KDM4B: variants seen among roughly 807,000 people sequenced by gnomAD.
The protein encoded by KDM4B is lysine-specific demethylase 4B.
In KDM4B, 32 loss-of-function variants were observed where a neutral mutation model predicts 125.2. The ratio of observed to expected loss-of-function variants is 0.26; its 90% CI spans 0.19 to 0.34. KDM4B has a LOEUF of 0.34. Among genes scored for constraint, KDM4B ranks in the 10% least tolerant of loss-of-function variants. The pLI is 1.00. For missense variants in KDM4B, 1,190 were observed against 1,577.7 expected (o/e 0.75, Z 4.16); for synonymous variants, 721 against 677.9 (o/e 1.06, Z -0.99).
At chr19:5,057,705 G>A (rs1405142763) in intron 6 of KDM4B, among the ~76,000 whole-genome samples, 2 of 152,222 alleles carry the variant, frequency 1.3e-5, no homozygotes, top group Non-Finnish European at 2.9e-5. Context: ...GCGCTGCCCT[G>A]TGGGATCAGG....
Position 5,143,931 on chromosome 19 carries a change from C to T in KDM4B, c.2551-36C>T, listed in dbSNP as rs202193772. On this transcript the variant is annotated intron_variant, in intron 18 of 22. Transcript: ENST00000159111. ...CCGTTCCAGGGTCCCTAGGGAAGCT[C>T]GAGCCCCATGCCCCTGCCTGTGTCC... 144 of 1,522,898 alleles carry T rather than the reference C, an allele frequency of 9.5e-5. No individual in the cohort carries two copies. In the African/African-American group the frequency reaches 1.7e-3, roughly 18 times the overall value. 94.3% of individuals were successfully genotyped at this position (1,522,898 alleles called of 1,614,324 possible).
At chr19:5,134,207 C>T in intron 14 of KDM4B, 146 bp downstream of exon 14, 2 of 727,220 alleles carry the variant, frequency 2.8e-6, no homozygotes, top group Non-Finnish European at 4.5e-6. Flanking sequence ...TTGTTCCTGA[C>T]AGCCGTAGGC....
At chr19:5,010,074 A>T (rs891968234) in intron 1 of KDM4B, among the ~76,000 whole-genome samples, 20 of 152,142 alleles carry the variant, frequency 1.3e-4, no homozygotes, top group African/African-American at 4.8e-4. Flanking sequence ...TGTCCCACCA[A>T]TGTCCCTTTC....
intron 6 of KDM4B, among the ~76,000 whole-genome samples, chr19:5,069,249 C>T (rs1002604556): frequency 2.0e-5 from 3 of 152,152 alleles, no homozygotes; most frequent in African/African-American, 7.2e-5. Context: ...ATTAGAGGCT[C>T]CGTGATGTTC....
intron 1 of KDM4B, among the ~76,000 whole-genome samples, chr19:4,989,050 A>G (rs1478531168): frequency 6.6e-6 from 1 of 152,240 alleles, no homozygotes; most frequent in East Asian, 1.9e-4. Flanking sequence ...TGTATTTCAC[A>G]GTCTCACTGG....
intron 2 of KDM4B, among the ~76,000 whole-genome samples, chr19:5,021,464 A>G (rs759671043): frequency 6.6e-6 from 1 of 152,052 alleles, no homozygotes; most frequent in Non-Finnish European, 1.5e-5. Flanking sequence ...GTGTGGTGGC[A>G]TGTACCTGTG....
At chr19:5,134,686 A>C (rs146444354) in intron 14 of KDM4B, among the ~76,000 whole-genome samples, 1 of 152,144 alleles carries the variant, frequency 6.6e-6, no homozygotes, top group Admixed American at 6.5e-5. Context: ...TCCTAGCCCC[A>C]TGCCAAGCAT....
chr19:5,133,849 A>G, intron 13 of KDM4B, 34 bp from the exon 14 acceptor site: 10 of 1,605,500 alleles, frequency 6.2e-6, no homozygotes, highest in Non-Finnish European at 8.5e-6. Flanking sequence ...AGGGGGCTCA[A>G]GTGTCTCTCT....
chr19:5,146,951 A>AAC (rs1054981216), intron 21 of KDM4B, among the ~76,000 whole-genome samples: 9 of 150,602 alleles, frequency 6.0e-5, no homozygotes, highest in Middle Eastern at 6.3e-3. Flanking sequence ...AAAAAAAAAA[A>AAC]AAAAAAAAAA....
intron 9 of KDM4B, among the ~76,000 whole-genome samples, chr19:5,106,514 G>C (rs954937108): frequency 6.6e-6 from 1 of 152,124 alleles, no homozygotes; most frequent in Non-Finnish European, 1.5e-5. Context: ...TGATGCTGAC[G>C]CACCCTCCTC....
chr19:5,109,645 G>A (rs1162227805), intron 9 of KDM4B, among the ~76,000 whole-genome samples: 2 of 152,144 alleles, frequency 1.3e-5, no homozygotes, highest in Admixed American at 6.5e-5. Context: ...GCACGTTAAT[G>A]TCCTTTCTTA....
intron 6 of KDM4B, 56 bp from the exon 7 acceptor site, chr19:5,070,954 C>T (rs2037928771): frequency 1.3e-6 from 2 of 1,587,632 alleles, no homozygotes; most frequent in Non-Finnish European, 1.7e-6. Flanking sequence ...ACCAGGGACA[C>T]CCCCTTGCGT....
At chr19:5,000,390 CATCT>C (rs149338976) in intron 1 of KDM4B, among the ~76,000 whole-genome samples, 9,803 of 151,516 alleles carry the variant, frequency 0.065, 1,020 homozygotes, top group African/African-American at 0.22. Flanking sequence ...CCTATCCATC[CATCT>C]GTCTGTCCAT....
chr19:4,991,157 T>C (rs1158913580), intron 1 of KDM4B, among the ~76,000 whole-genome samples: 1 of 151,858 alleles, frequency 6.6e-6, no homozygotes, highest in Non-Finnish European at 1.5e-5. Flanking sequence ...AAAACACTGT[T>C]ATGGAGAATT....
At chr19:5,020,790 AC>A (rs2036092267) in intron 2 of KDM4B, among the ~76,000 whole-genome samples, 1 of 152,156 alleles carries the variant, frequency 6.6e-6, no homozygotes, top group African/African-American at 2.4e-5. Flanking sequence ...AAAAAAGCAC[AC>A]CTTGAACACT....
rs370703268 is a variant in KDM4B, at chr19:5,110,592, C to T, written c.919-30C>T. The T allele has an allele frequency of 7.4e-5, 119 of 1,611,016 alleles. 1 individual carries two copies. The South Asian group carries it at 9.4e-4, about 13-fold the overall frequency. On this transcript the variant is annotated intron_variant, in intron 9 of 22. Transcript: ENST00000159111. ...TGGAGCCAGCCGTCCAGGTGTGGCG[C>T]GAGGGCTCAGACCGTGTCCCCTGCC...
rs2039231186 is a variant in KDM4B, at chr19:5,115,187, C to T, written c.1115+4369C>T. ...GCCACAGAAAGACACAGTGGGCAGA[C>T]ATGGGCAGCTCCTGGAGGGCTGCAG... On this transcript the variant is annotated intron_variant, in intron 10 of 22. Coordinates refer to ENST00000159111, the MANE Select transcript of KDM4B (RefSeq NM_015015.3). The surrounding 1 kb of genome is among the most constrained non-coding windows in gnomAD (Gnocchi z 4.2). Among the ~76,000 whole-genome samples, 1 of 152,208 alleles carries T rather than the reference C, an allele frequency of 6.6e-6. No homozygotes were observed. Among genetic ancestry groups the T allele is most frequent in the African/African-American group, 2.4e-5 (1 of 41,446 alleles).
chr19:5,144,140 G>A lies in KDM4B; in HGVS notation c.2724G>A (p.Ser908=), dbSNP rs200281446. The change falls in exon 19 of 23, where the codon TCG becomes TCA. Residue 908 remains serine (S), a synonymous_variant. Coordinates refer to ENST00000159111, the MANE Select transcript of KDM4B (RefSeq NM_015015.3). ...VVSITCLKHK[S]GGHAVQLLRA... is the part of the protein sequence containing the mutation. ...CCATCACCTGCCTCAAGCACAAGTCGGGGGGTCACGCTGTGAGTGCCTGCC... is the reference window on the plus strand; with the variant it reads ...CCATCACCTGCCTCAAGCACAAGTCAGGGGGTCACGCTGTGAGTGCCTGCC... The A allele has an allele frequency of 3.4e-5, 55 of 1,595,552 alleles. No homozygotes were observed. Among genetic ancestry groups the A allele is most frequent in the South Asian group, 3.4e-4 (31 of 90,660 alleles).
chr19:4,988,115 C>T (rs2034903025), intron 1 of KDM4B, among the ~76,000 whole-genome samples: 1 of 152,204 alleles, frequency 6.6e-6, no homozygotes, highest in Admixed American at 6.5e-5. Flanking sequence ...GGAGCTGGGG[C>T]CCTCCGTTCA....
Sources: allele counts gnomAD v4.1 joint callset (sites outside exome capture counted in the v4.1 genomes callset), GRCh38; gene constraint gnomAD v4.1.1; non-coding constraint Gnocchi (gnomAD v3.1); transcripts MANE v1.5; gene names NCBI Gene and HGNC (gene_info 2026-07-23, HGNC 2026-07-21).